The following MDGA1 variants were observed in gnomAD, a reference collection of about 807,000 sequenced individuals.
MDGA1 encodes the protein MAM domain containing glycosylphosphatidylinositol anchor 1, also known as MAM domain-containing glycosylphosphatidylinositol anchor protein 1.
Under a neutral mutation model 101.5 loss-of-function variants are expected in MDGA1, and 54 were observed. That is an observed-to-expected ratio of 0.53 (90% CI 0.43 to 0.67). The LOEUF is 0.67. Among genes scored for constraint, MDGA1 ranks in the 30% least tolerant of loss-of-function variants. The pLI is 0.00. For synonymous variants in MDGA1, 533 were observed against 558.3 expected (o/e 0.95, Z 0.64); for missense variants, 1,083 against 1,323.8 (o/e 0.82, Z 2.82).
rs926951352 is a variant in MDGA1, at chr6:37,649,211, G to T, written c.1665C>A (p.Pro555=). ...SQDVRQALGR[P]VLLRCSLLRG... is the part of the protein sequence containing the mutation. ...GCAGCAGCGAGCAGCGCAGGAGCAC[G>T]GGCCGGCCCAGCGCCTGGCGCACGT... Residue 555 remains proline (P), a synonymous_variant, in exon 9 of 17, where the codon CCC becomes CCA. Coordinates refer to ENST00000434837, the MANE Select transcript of MDGA1 (RefSeq NM_153487.4). 2.0e-6 allele frequency: 3 copies of T among 1,509,792 alleles called. No homozygotes were observed. The highest frequency in any genetic ancestry group is 2.1e-5 in the Admixed American group (1 of 47,794). The allele number at this position is 1,509,792 out of a possible 1,614,324, so 93.5% of individuals were successfully genotyped here.
chr6:37,672,499 G>T (rs1299065729), intron 1 of MDGA1, among the ~76,000 whole-genome samples: 1 of 152,178 alleles, frequency 6.6e-6, no homozygotes, highest in Non-Finnish European at 1.5e-5. Flanking sequence ...CCTGCTTCTG[G>T]CTCCTTCAGG....
At chr6:37,639,603 T>A (rs1325986980) in intron 14 of MDGA1, 1 of 152,242 alleles carries the variant, frequency 6.6e-6, no homozygotes, top group Non-Finnish European at 1.5e-5. Context: ...GGCCAGTTCC[T>A]GCCTTAGGGC....
chr6:37,645,193 C>T (rs1269544797), intron 12 of MDGA1, among the ~76,000 whole-genome samples: 1 of 152,178 alleles, frequency 6.6e-6, no homozygotes, highest in Non-Finnish European at 1.5e-5. Context: ...GTCCTCCATT[C>T]ATCATTGAAG....
chr6:37,645,892 C>T, intron 12 of MDGA1, 41 bp downstream of exon 12: 1 of 1,612,252 alleles, frequency 6.2e-7, no homozygotes, highest in Non-Finnish European at 8.5e-7. Context: ...CTTTGTGTCC[C>T]TAAAGGGAAG....
intron 14 of MDGA1, among the ~76,000 whole-genome samples, chr6:37,641,555 C>T (rs1027589127): frequency 9.8e-5 from 15 of 152,354 alleles, no homozygotes; most frequent in Non-Finnish European, 2.9e-5. Flanking sequence ...AGTTATGTAA[C>T]ACATGTGCTA....
At chr6:37,690,152 G>A (rs891961149) in intron 1 of MDGA1, among the ~76,000 whole-genome samples, 5 of 152,144 alleles carry the variant, frequency 3.3e-5, no homozygotes, top group South Asian at 2.1e-4. Flanking sequence ...CCTTTGCAGC[G>A]GCTATTCCTC....
At chr6:37,646,942 A>G (rs1436626829) in intron 10 of MDGA1, among the ~76,000 whole-genome samples, 4 of 152,214 alleles carry the variant, frequency 2.6e-5, no homozygotes, top group East Asian at 1.9e-4. Context: ...TGCCTGCCCA[A>G]TTCTCAGAGC....
chr6:37,681,181 G>A (rs1349590049), intron 1 of MDGA1, among the ~76,000 whole-genome samples: 3 of 152,174 alleles, frequency 2.0e-5, no homozygotes, highest in Non-Finnish European at 2.9e-5. Flanking sequence ...AAATTGCTAC[G>A]GATTCCTCCC....
intron 7 of MDGA1, among the ~76,000 whole-genome samples, chr6:37,651,128 C>T (rs2114022225): frequency 6.6e-6 from 1 of 152,290 alleles, no homozygotes; most frequent in African/African-American, 2.4e-5. Context: ...GAGCAGAGCC[C>T]CTATACTAGC....
chr6:37,667,218 G>C (rs1290751116), intron 1 of MDGA1, among the ~76,000 whole-genome samples: 5 of 152,226 alleles, frequency 3.3e-5, no homozygotes, highest in Non-Finnish European at 7.3e-5. Context: ...GCAGACAGCA[G>C]CGGGTTCGGT....
intron 7 of MDGA1, 23 bp from the exon 8 acceptor site, chr6:37,650,428 C>T (rs759281935): frequency 9.3e-6 from 14 of 1,502,012 alleles, no homozygotes; most frequent in South Asian, 2.6e-5. Context: ...TGGTGATCAG[C>T]GGAGAGGTAG....
At chr6:37,685,336 C>T (rs934236524) in intron 1 of MDGA1, among the ~76,000 whole-genome samples, 2 of 151,970 alleles carry the variant, frequency 1.3e-5, no homozygotes, top group Non-Finnish European at 1.5e-5. Context: ...GTCTCAGGGC[C>T]GAGGAGTTAC....
At chr6:37,683,534 G>C (rs901666930) in intron 1 of MDGA1, among the ~76,000 whole-genome samples, 1 of 152,220 alleles carries the variant, frequency 6.6e-6, no homozygotes, top group Non-Finnish European at 1.5e-5. Context: ...CTGCCTGAGG[G>C]CCATCTCTGG....
Position 37,655,302 on chromosome 6 carries a change from T to C in MDGA1, c.580-370A>G. On this transcript the variant is annotated intron_variant, in intron 4 of 16. Coordinates refer to ENST00000434837, the MANE Select transcript of MDGA1 (RefSeq NM_153487.4). This position sits in a 1 kb window ranked among gnomAD's most constrained non-coding sequence, Gnocchi z 5.1. ...CCGCTGAAAGCCCTCCTTGGCAGAA[T>C]GGCATCACCACCATCTCCTGGGACT... The C allele has an allele frequency of 2.9e-6, 1 of 342,040 alleles. No individual in the cohort carries two copies. Among genetic ancestry groups the C allele is most frequent in the Non-Finnish European group, 5.4e-6 (1 of 186,870 alleles). The allele number at this position is 342,040 out of a possible 1,614,324, so 21.2% of individuals were successfully genotyped here.
At position 37,654,783 on chromosome 6, in the gene MDGA1, G is replaced by A. The variant is rs1761444829; in HGVS notation, c.712+17C>T. 1 of 1,613,576 alleles carries A rather than the reference G, an allele frequency of 6.2e-7. No individual in the cohort carries two copies. The highest frequency in any genetic ancestry group is 8.5e-7 in the Non-Finnish European group (1 of 1,179,722). ...AGCTCAGGTAGGGAAGGAGTATGGG[G>A]AGGAAAATGCCTGTACCCGTGGTGT... is the stretch of plus-strand genomic sequence containing the variant. On this transcript the variant is annotated intron_variant, in intron 5 of 16. Coordinates refer to ENST00000434837, the MANE Select transcript of MDGA1 (RefSeq NM_153487.4).
In MDGA1 at chr6:37,647,263, C is replaced by A; in HGVS notation, c.1956G>T (p.Leu652=). 6.4e-7 allele frequency: 1 copy of A among 1,569,440 alleles called. No homozygotes were observed. The highest frequency in any genetic ancestry group is 8.6e-7 in the Non-Finnish European group (1 of 1,157,450). ...GCAGCACGTAGGAGTAGTTCTTGGACAGCTTGTGGCTGCGGGTGGGGTTGG... is the reference window on the plus strand; with the variant it reads ...GCAGCACGTAGGAGTAGTTCTTGGAAAGCTTGTGGCTGCGGGTGGGGTTGG... ...DTPNPTRSHK[L]SKNYSYVLQW... is the part of the protein sequence containing the mutation. The change falls in exon 10 of 17, where the codon CTG becomes CTT. Residue 652 remains leucine, a synonymous_variant. Coordinates refer to ENST00000434837, the MANE Select transcript of MDGA1 (RefSeq NM_153487.4).
chr6:37,685,648 CT>C (rs1429803092), intron 1 of MDGA1, among the ~76,000 whole-genome samples: 1 of 152,188 alleles, frequency 6.6e-6, no homozygotes, highest in Admixed American at 6.5e-5. Flanking sequence ...AAGGAGACAC[CT>C]GCTAGCAGAG....
At position 37,632,805 on chromosome 6, in the gene MDGA1, T is replaced by C. The variant is rs554989633; in HGVS notation, c.*4563A>G. 2 of 152,798 alleles carry C rather than the reference T, an allele frequency of 1.3e-5. No individual in the cohort carries two copies. The highest frequency in any genetic ancestry group is 2.9e-5 in the Non-Finnish European group (2 of 68,172). 9.5% of individuals were successfully genotyped at this position (152,798 alleles called of 1,614,324 possible). A position where few individuals can be genotyped will look rare whatever the true frequency, so the allele number is the denominator to read the frequency against. Reference sequence around the variant, plus strand: ...GAGTTTTGGCTTTTCTCCCAAGTCTTTGAGGTCTCAGGGCTGGTGCAGCCC... The same window carrying C: ...GAGTTTTGGCTTTTCTCCCAAGTCTCTGAGGTCTCAGGGCTGGTGCAGCCC... On this transcript the variant is annotated 3_prime_UTR_variant, in exon 17 of 17. Coordinates refer to ENST00000434837, the MANE Select transcript of MDGA1 (RefSeq NM_153487.4).
intron 1 of MDGA1, among the ~76,000 whole-genome samples, chr6:37,694,783 G>C (rs990258067): frequency 6.6e-6 from 1 of 152,142 alleles, no homozygotes; most frequent in African/African-American, 2.4e-5. Context: ...AGGAAAAGTG[G>C]CATGTCACCC....
Sources: allele counts gnomAD v4.1 joint callset (sites outside exome capture counted in the v4.1 genomes callset), GRCh38; gene constraint gnomAD v4.1.1; non-coding constraint Gnocchi (gnomAD v3.1); transcripts MANE v1.5; gene names NCBI Gene and HGNC (gene_info 2026-07-23, HGNC 2026-07-21).